Variants in PPP4R4 observed in about 807,000 individuals in gnomAD.
PPP4R4 encodes the protein serine/threonine-protein phosphatase 4 regulatory subunit 4.
A neutral mutation model predicts 121.8 loss-of-function variants in PPP4R4; 70 were observed. The observed-to-expected ratio is 0.57, with a 90% confidence interval of 0.47 to 0.70. The LOEUF (loss-of-function observed/expected upper bound fraction) is 0.70. Among genes scored for constraint, PPP4R4 ranks in the 30% least tolerant of loss-of-function variants. PPP4R4 has a pLI of 0.00. For missense variants in PPP4R4, 875 were observed against 1,033.6 expected (o/e 0.85, Z 2.10); for synonymous variants, 348 against 355.7 (o/e 0.98, Z 0.24).
intron 17 of PPP4R4, among the ~76,000 whole-genome samples, 182 bp from the exon 18 acceptor site, chr14:94,258,601 T>C (rs183620673): frequency 3.9e-5 from 6 of 152,260 alleles, no homozygotes; most frequent in East Asian, 1.9e-4. Context: ...CCTGGCATGA[T>C]TGTATAAAGA....
At chr14:94,253,618 TGAAAG>T (rs1893309501) in intron 16 of PPP4R4, among the ~76,000 whole-genome samples, 1 of 152,204 alleles carries the variant, frequency 6.6e-6, no homozygotes, top group African/African-American at 2.4e-5. Context: ...AAAAATAATT[TGAAAG>T]GAAACGAAAT....
chr14:94,249,514 A>G (rs1467746565), intron 14 of PPP4R4, among the ~76,000 whole-genome samples: 5 of 152,194 alleles, frequency 3.3e-5, no homozygotes, highest in Admixed American at 1.3e-4. Flanking sequence ...TACTGGACAC[A>G]ATACGTCTGG....
At chr14:94,273,339 A>C (rs1159672179) in intron 23 of PPP4R4, among the ~76,000 whole-genome samples, 1 of 152,176 alleles carries the variant, frequency 6.6e-6, no homozygotes, top group Non-Finnish European at 1.5e-5. Context: ...ACATGAAGAA[A>C]CCTTAAATAC....
intron 2 of PPP4R4, among the ~76,000 whole-genome samples, chr14:94,201,498 A>C (rs1195323158): frequency 3.9e-5 from 6 of 152,120 alleles, no homozygotes; most frequent in Admixed American, 3.9e-4. Context: ...TGGGAGCTCC[A>C]GTGTTAGGTG....
At chr14:94,265,651 T>G in intron 21 of PPP4R4, 143 bp from the exon 22 acceptor site, 1 of 785,268 alleles carries the variant, frequency 1.3e-6, no homozygotes, top group Non-Finnish European at 2.1e-6. Context: ...GGGTAAGAGA[T>G]ACTTCAGTGA....
At chr14:94,272,259 A>G (rs1367288360) in intron 23 of PPP4R4, among the ~76,000 whole-genome samples, 1 of 152,238 alleles carries the variant, frequency 6.6e-6, no homozygotes, top group Non-Finnish European at 1.5e-5. Context: ...TTCAGGACTT[A>G]GTATAAAGCT....
chr14:94,221,080 C>CA (rs1380134665), intron 3 of PPP4R4, among the ~76,000 whole-genome samples: 5 of 152,106 alleles, frequency 3.3e-5, no homozygotes, highest in African/African-American at 1.2e-4. Context: ...TAAGAAAACT[C>CA]ACACCTACCC....
At chr14:94,197,817 T>C (rs138655699) in intron 2 of PPP4R4, among the ~76,000 whole-genome samples, 6 of 152,372 alleles carry the variant, frequency 3.9e-5, no homozygotes, top group East Asian at 1.9e-4. Flanking sequence ...TACAGTAGTA[T>C]TATTTTTTTT....
At chr14:94,229,091 G>A (rs974002655) in intron 3 of PPP4R4, among the ~76,000 whole-genome samples, 1 of 152,152 alleles carries the variant, frequency 6.6e-6, no homozygotes, top group Non-Finnish European at 1.5e-5. Flanking sequence ...GCCCATTGGA[G>A]AGTTTTGAGC....
intron 2 of PPP4R4, among the ~76,000 whole-genome samples, chr14:94,194,612 T>A (rs901824497): frequency 6.6e-6 from 1 of 151,902 alleles, no homozygotes; most frequent in African/African-American, 2.4e-5. Flanking sequence ...CACATACTTG[T>A]TTTTTTTGTT....
intron 3 of PPP4R4, among the ~76,000 whole-genome samples, chr14:94,228,783 G>C (rs529598838): frequency 6.6e-6 from 1 of 152,194 alleles, no homozygotes; most frequent in Non-Finnish European, 1.5e-5. Flanking sequence ...AGGAGGTGGG[G>C]ACACATGAAG....
intron 3 of PPP4R4, among the ~76,000 whole-genome samples, chr14:94,229,166 A>G (rs1242115015): frequency 2.0e-5 from 3 of 152,170 alleles, no homozygotes; most frequent in African/African-American, 7.2e-5. Flanking sequence ...TAGAGAATGG[A>G]TAGTAGAGGA....
intron 2 of PPP4R4, among the ~76,000 whole-genome samples, chr14:94,190,536 G>C (rs1014820720): frequency 6.6e-6 from 1 of 151,924 alleles, no homozygotes; most frequent in Admixed American, 6.5e-5. Context: ...GGGAGGCAGA[G>C]GTTGCAGTGA....
At chr14:94,247,122 C>A (rs1174088985) in intron 14 of PPP4R4, among the ~76,000 whole-genome samples, 1 of 152,216 alleles carries the variant, frequency 6.6e-6, no homozygotes, top group Non-Finnish European at 1.5e-5. Context: ...GGCACTCAAG[C>A]CTCCCCACAA....
chr14:94,246,896 G>C (rs1892923526), intron 14 of PPP4R4, among the ~76,000 whole-genome samples: 1 of 152,184 alleles, frequency 6.6e-6, no homozygotes, highest in Admixed American at 6.5e-5. Context: ...ACCTTCTTCT[G>C]TTCTGATGTG....
Position 94,244,687 on chromosome 14 carries a change from C to G in PPP4R4, c.1319C>G (p.Thr440Arg). 2 of 1,493,480 alleles carry G rather than the reference C, an allele frequency of 1.3e-6. No individual in the cohort carries two copies. Among genetic ancestry groups the G allele is most frequent in the Non-Finnish European group, 1.8e-6 (2 of 1,104,704 alleles). 92.5% of individuals were successfully genotyped at this position (1,493,480 alleles called of 1,614,324 possible). The change falls in exon 12 of 25, where the codon ACA becomes AGA. Residue 440 changes from threonine to arginine, a missense_variant. Thr to Arg is a moderately conservative substitution (Grantham distance 71, BLOSUM62 -1). Transcript: ENST00000304338. The stretch of plus-strand genomic sequence containing the variant: ...TATTTAATACATAAAGAACTAATAA[C>G]ATTATTACAAGATGAATCACTGGAG... Reference protein sequence around the residue: ...GVYLIHKELITLLQDESLEVL... With the variant: ...GVYLIHKELIRLLQDESLEVL...
intron 2 of PPP4R4, among the ~76,000 whole-genome samples, chr14:94,202,981 C>CA (rs34939190): frequency 0.6 from 86,175 of 143,370 alleles, 26,712 homozygotes; most frequent in Non-Finnish European, 0.72. Flanking sequence ...GACTCCATCT[C>CA]AAAAAAAAAA....
chr14:94,277,911 C>G (rs1273861958), intron 24 of PPP4R4, among the ~76,000 whole-genome samples: 1 of 152,100 alleles, frequency 6.6e-6, no homozygotes, highest in Non-Finnish European at 1.5e-5. Context: ...TCCACAGTTG[C>G]TTTTTTAACT....
intron 19 of PPP4R4, among the ~76,000 whole-genome samples, chr14:94,260,543 A>G (rs1008621699): frequency 2.0e-5 from 3 of 152,126 alleles, no homozygotes; most frequent in Admixed American, 2.0e-4. Context: ...ATGTAATGGT[A>G]TCTCATTTTT....
Sources: allele counts gnomAD v4.1 joint callset (sites outside exome capture counted in the v4.1 genomes callset), GRCh38; gene constraint gnomAD v4.1.1; transcripts MANE v1.5; gene names NCBI Gene and HGNC (gene_info 2026-07-23, HGNC 2026-07-21).